Variants in FGF16 observed in about 807,000 individuals in gnomAD.
The protein encoded by FGF16 is metacarpal 4-5 fusion.
In FGF16, 2 loss-of-function variants were observed where a neutral mutation model predicts 8.5. The ratio of observed to expected loss-of-function variants is 0.24; its 90% CI spans 0.10 to 0.75. The LOEUF is 0.75. Among genes scored for constraint, FGF16 ranks in the 30% least tolerant of loss-of-function variants. The pLI is 0.74. For synonymous variants in FGF16, 33 were observed against 34.6 expected, an observed-to-expected ratio of 0.95 and a Z score of 0.16; for missense variants, 79 against 87.4, an observed-to-expected ratio of 0.90 and a Z score of 0.38.
In FGF16 at chrX:77,451,123, G is replaced by C. The variant is rs782276381; in HGVS notation, c.275-3034G>C. The stretch of plus-strand genomic sequence containing the variant: ...AATGATGCCCAAAGACAGCTGGGCA[G>C]GGATAATTCCAGCTGTTGGAGACCC... On this transcript the variant is annotated intron_variant, in intron 1 of 2. Coordinates refer to ENST00000439435, the MANE Select transcript of FGF16 (RefSeq NM_003868.3). Among the ~76,000 whole-genome samples the C allele has an allele frequency of 6.2e-5, 7 of 112,019 alleles. No individual in the cohort carries two copies. In the South Asian group the frequency reaches 1.5e-3, roughly 24 times the overall value.
At chrX:77,453,828 A>C (rs2062564260) in intron 1 of FGF16, among the ~76,000 whole-genome samples, 1 of 111,801 alleles carries the variant, frequency 8.9e-6, no homozygotes, top group Non-Finnish European at 1.9e-5. Context: ...CCGTTTCTTG[A>C]ATTTGAGAGC....
chrX:77,456,644 A>T lies in FGF16; in HGVS notation c.*122A>T. On this transcript the variant is annotated 3_prime_UTR_variant, in exon 3 of 3. Coordinates refer to ENST00000439435, the MANE Select transcript of FGF16 (RefSeq NM_003868.3). ...CATTTTAGATAACAGAAAAGCACTT[A>T]CTGTTGAACTCAACCCAGCTGTTCC... 1 of 674,353 alleles carries T rather than the reference A, an allele frequency of 1.5e-6. No homozygotes were observed. The highest frequency in any genetic ancestry group is 2.2e-6 in the Non-Finnish European group (1 of 446,887). The allele number at this position is 674,353 out of a possible 1,213,427, so 55.6% of individuals were successfully genotyped here. A position where few individuals can be genotyped will look rare whatever the true frequency, so the allele number is the denominator to read the frequency against.
intron 1 of FGF16, among the ~76,000 whole-genome samples, chrX:77,448,168 C>G (rs2062546696): frequency 1.8e-5 from 2 of 113,386 alleles, no homozygotes; most frequent in Non-Finnish European, 3.7e-5. Context: ...GCGGTGGGGC[C>G]TCTCCTTTCG....
rs2083721021 is a variant in FGF16, at chrX:77,447,575, G to A, written c.-100G>A. 2 of 288,450 alleles carry A rather than the reference G, an allele frequency of 6.9e-6. No individual in the cohort carries two copies. The highest frequency in any genetic ancestry group is 5.5e-5 in the African/African-American group (2 of 36,229). The allele number at this position is 288,450 out of a possible 1,213,427, so 23.8% of individuals were successfully genotyped here. A position where few individuals can be genotyped will look rare whatever the true frequency, so the allele number is the denominator to read the frequency against. On this transcript the variant is annotated 5_prime_UTR_variant, in exon 1 of 3. Transcript: ENST00000439435. ...AGCGAGCTAGCGAGGGAGCGCCGCC[G>A]AACCGCCCGCGCCCGCTGCGGGGAG...
rs782553303 is a variant in FGF16, at chrX:77,456,875, G to A, written c.*353G>A. ...ACCTTGACAATGGGTATAAATGAAA[G>A]GCCAAGGAATCTGCCACAGATGCTA... On this transcript the variant is annotated 3_prime_UTR_variant, in exon 3 of 3. Coordinates refer to ENST00000439435, the MANE Select transcript of FGF16 (RefSeq NM_003868.3). The A allele has an allele frequency of 1.4e-5, 2 of 138,528 alleles. No individual in the cohort carries two copies. Among genetic ancestry groups the A allele is most frequent in the African/African-American group, 6.3e-5 (2 of 31,613 alleles). 11.4% of individuals were successfully genotyped at this position (138,528 alleles called of 1,213,427 possible).
At chrX:77,453,007 G>T (rs1377936582) in intron 1 of FGF16, among the ~76,000 whole-genome samples, 1 of 111,364 alleles carries the variant, frequency 9.0e-6, no homozygotes, top group African/African-American at 3.3e-5. Flanking sequence ...AGCCTGGGGA[G>T]GTTGAGGCTG....
At chrX:77,456,195 A>G (rs1288259771) in intron 2 of FGF16, 82 bp from the exon 3 acceptor site, 2 of 937,269 alleles carry the variant, frequency 2.1e-6, no homozygotes, top group Non-Finnish European at 3.0e-6. Flanking sequence ...TGCTATTGCT[A>G]TTTCAGGGTT....
chrX:77,448,688 A>G (rs782169747), intron 1 of FGF16, among the ~76,000 whole-genome samples: 1 of 111,939 alleles, frequency 8.9e-6, no homozygotes, highest in Non-Finnish European at 1.9e-5. Flanking sequence ...ACCTCCATCC[A>G]GGATTGTCTG....
rs138629085 is a variant in FGF16 at position 77,452,107 on chromosome X, T to G, written c.275-2050T>G. Among the ~76,000 whole-genome samples, 582 of 112,095 alleles carry G rather than the reference T, an allele frequency of 5.2e-3. 2 individuals carry two copies. Among genetic ancestry groups the G allele is most frequent in the African/African-American group, 0.016 (509 of 30,856 alleles). On this transcript the variant is annotated intron_variant, in intron 1 of 2. Transcript: ENST00000439435. ...AAACCCCAAACACAAAACACTTTGG[T>G]AAATTTGGGAGACCAAAGTGCAGGA... is the stretch of plus-strand genomic sequence containing the variant.
Position 77,455,462 on chromosome X carries a change from G to A in FGF16, c.379-815G>A, listed in dbSNP as rs186705166. ...AGCCCTCAGCTAGGACTAGGCTAGCGGCAGTGCATTTTCTCTATTCTGGAA... is the reference window on the plus strand; with the variant it reads ...AGCCCTCAGCTAGGACTAGGCTAGCAGCAGTGCATTTTCTCTATTCTGGAA... On this transcript the variant is annotated intron_variant, in intron 2 of 2. Transcript: ENST00000439435. Among the ~76,000 whole-genome samples, 73 of 111,881 alleles carry A rather than the reference G, an allele frequency of 6.5e-4. 1 individual carries two copies. In the East Asian group the frequency reaches 0.017, roughly 26 times the overall value.
chrX:77,453,948 T>C (rs2062564634), intron 1 of FGF16, among the ~76,000 whole-genome samples: 1 of 111,464 alleles, frequency 9.0e-6, no homozygotes. Context: ...TCCCCCGTTT[T>C]ACATATGGAA....
Position 77,454,191 on chromosome X carries a change from G to A in FGF16, c.309G>A (p.Leu103=), listed in dbSNP as rs1411974036. The A allele has an allele frequency of 8.6e-7, 1 of 1,159,857 alleles. No individual in the cohort carries two copies. Among genetic ancestry groups the A allele is most frequent in the African/African-American group, 1.9e-5 (1 of 53,874 alleles). Residue 103 remains leucine (L), a synonymous_variant, in exon 2 of 3, where the codon CTG becomes CTA. Transcript: ENST00000439435. ...ILEFISLAVG[L]ISIRGVDSGL... ...AGTTTATCAGCCTGGCTGTGGGGCT[G>A]ATCAGCATCCGGGGAGTGGACTCTG... is the stretch of plus-strand genomic sequence containing the variant.
intron 1 of FGF16, among the ~76,000 whole-genome samples, chrX:77,452,549 T>C (rs1195021469): frequency 2.7e-5 from 3 of 112,608 alleles, no homozygotes; most frequent in Admixed American, 9.4e-5. Context: ...TTCTATAGAA[T>C]TGCAGCAGAA....
chrX:77,457,275 G>A lies in FGF16; in HGVS notation c.*753G>A, dbSNP rs1459402003. On this transcript the variant is annotated 3_prime_UTR_variant, in exon 3 of 3. Coordinates refer to ENST00000439435, the MANE Select transcript of FGF16 (RefSeq NM_003868.3). Reference sequence around the variant, plus strand: ...TGACAATAAAATTTGTCTTTATATTGTAAGATTCTGTCTAATTCTATTGAT... The same window carrying A: ...TGACAATAAAATTTGTCTTTATATTATAAGATTCTGTCTAATTCTATTGAT... 1 of 111,792 alleles carries A rather than the reference G, an allele frequency of 8.9e-6. No individual in the cohort carries two copies. Among genetic ancestry groups the A allele is most frequent in the Non-Finnish European group, 1.9e-5 (1 of 53,164 alleles). 9.2% of individuals were successfully genotyped at this position (111,792 alleles called of 1,213,427 possible).
chrX:77,457,119 ATTTAT>A lies in FGF16; in HGVS notation c.*603_*607del, dbSNP rs1319606534. On this transcript the variant is annotated 3_prime_UTR_variant, in exon 3 of 3. Transcript: ENST00000439435. The stretch of plus-strand genomic sequence containing the variant: ...AAACTATTTATAAAATGTATATGCT[ATTTAT>A]TTTATATATTTATTTATTTCAAAAT... The A allele has an allele frequency of 1.8e-5, 2 of 111,883 alleles. No homozygotes were observed. Among genetic ancestry groups the A allele is most frequent in the African/African-American group, 6.5e-5 (2 of 30,886 alleles). 9.2% of individuals were successfully genotyped at this position (111,883 alleles called of 1,213,427 possible).
intron 1 of FGF16, among the ~76,000 whole-genome samples, chrX:77,450,127 T>A (rs1289872639): frequency 8.9e-6 from 1 of 112,556 alleles, no homozygotes; most frequent in Non-Finnish European, 1.9e-5. Flanking sequence ...ATTGAAACTT[T>A]AACATTCCAT....
chrX:77,448,091 C>T (rs911456951), intron 1 of FGF16, 143 bp downstream of exon 1: 3 of 296,029 alleles, frequency 1.0e-5, no homozygotes. Context: ...ACGGCGCGGT[C>T]GTGGGCCTCT....
At chrX:77,451,040 C>T (rs1261077710) in intron 1 of FGF16, among the ~76,000 whole-genome samples, 1 of 112,164 alleles carries the variant, frequency 8.9e-6, no homozygotes, top group Admixed American at 9.4e-5. Flanking sequence ...CTTCCATCAT[C>T]ATGTGCCACT....
At chrX:77,448,705 T>C (rs1283077314) in intron 1 of FGF16, among the ~76,000 whole-genome samples, 1 of 112,122 alleles carries the variant, frequency 8.9e-6, no homozygotes, top group African/African-American at 3.2e-5. Context: ...TCTGTTTGCC[T>C]GCCACTATAC....
Sources: gnomAD v4.1 joint callset for allele counts (sites outside exome capture counted in the v4.1 genomes callset) on GRCh38, gnomAD v4.1.1 for gene constraint, MANE v1.5 for transcripts, NCBI Gene and HGNC (gene_info 2026-07-23, HGNC 2026-07-21) for gene names.